The following RYR2 variants were observed in gnomAD, a reference collection of about 807,000 sequenced individuals.
RYR2 encodes ryanodine receptor 2.
A neutral mutation model predicts 601.1 loss-of-function variants in RYR2; 227 were observed. That is an observed-to-expected ratio of 0.38 (90% CI 0.34 to 0.42). The LOEUF is 0.42. RYR2 is among the 10% of genes least tolerant of loss of function. The pLI, the probability that RYR2 is intolerant of heterozygous loss-of-function variation, is 1.00. For missense variants in RYR2, 4,646 were observed against 6,156.5 expected, an observed-to-expected ratio of 0.75 and a Z score of 8.21; for synonymous variants, 2,223 against 2,175.1, an observed-to-expected ratio of 1.02 and a Z score of -0.61.
chr1:237,401,204 T>G (rs1330922456), intron 10 of RYR2, among the ~76,000 whole-genome samples: 1 of 152,204 alleles, frequency 6.6e-6, no homozygotes, highest in Non-Finnish European at 1.5e-5. Context: ...ATATATACAA[T>G]GTCTGATAAT....
intron 3 of RYR2, among the ~76,000 whole-genome samples, chr1:237,345,523 T>G (rs1349513273): frequency 1.3e-5 from 2 of 151,558 alleles, no homozygotes; most frequent in East Asian, 3.9e-4. Context: ...ATCCTGAGGA[T>G]TTGAACAAAT....
intron 1 of RYR2, among the ~76,000 whole-genome samples, chr1:237,123,384 T>C (rs1449136744): frequency 6.6e-6 from 1 of 152,136 alleles, no homozygotes; most frequent in Admixed American, 6.6e-5. Flanking sequence ...CCTAGGAGTT[T>C]GAGACCAGCT....
At chr1:237,296,790 G>C (rs1401400220) in intron 2 of RYR2, among the ~76,000 whole-genome samples, 2 of 152,182 alleles carry the variant, frequency 1.3e-5, no homozygotes, top group African/African-American at 4.8e-5. Context: ...CTGGCATTTA[G>C]AGGCAGATCA....
At chr1:237,358,204 A>T (rs1699466249) in intron 4 of RYR2, among the ~76,000 whole-genome samples, 1 of 152,178 alleles carries the variant, frequency 6.6e-6, no homozygotes, top group South Asian at 2.1e-4. Context: ...TACCCCACAG[A>T]CATTTCAAGT....
intron 10 of RYR2, among the ~76,000 whole-genome samples, chr1:237,414,203 C>A (rs141181467): frequency 6.8e-6 from 1 of 147,518 alleles, no homozygotes; most frequent in Non-Finnish European, 1.5e-5. Flanking sequence ...CACACACAGA[C>A]GTGCACAATG....
intron 2 of RYR2, among the ~76,000 whole-genome samples, chr1:237,283,158 G>T (rs1217089799): frequency 6.6e-6 from 1 of 152,154 alleles, no homozygotes; most frequent in Non-Finnish European, 1.5e-5. Flanking sequence ...TCATTGTTTA[G>T]GTATCTGTCA....
intron 1 of RYR2, among the ~76,000 whole-genome samples, chr1:237,263,337 A>T (rs1458731181): frequency 6.6e-6 from 1 of 152,232 alleles, no homozygotes; most frequent in East Asian, 1.9e-4. Context: ...TATTGAGTTC[A>T]TAACATTTGC....
chr1:237,814,016 G>A (rs1372418611), intron 100 of RYR2, among the ~76,000 whole-genome samples: 5 of 152,102 alleles, frequency 3.3e-5, no homozygotes, highest in Non-Finnish European at 5.9e-5. Context: ...CATTACACAC[G>A]CTCATATCCC....
At chr1:237,227,151 G>A (rs182279658) in intron 1 of RYR2, among the ~76,000 whole-genome samples, 11 of 152,178 alleles carry the variant, frequency 7.2e-5, no homozygotes, top group East Asian at 1.9e-4. Context: ...TTAGTTAGAC[G>A]GGAGGAATGA....
At chr1:237,635,073 T>G in intron 44 of RYR2, 81 bp downstream of exon 44, 2 of 1,140,150 alleles carry the variant, frequency 1.8e-6, no homozygotes, top group Non-Finnish European at 2.4e-6. Flanking sequence ...ATAAGTAAGG[T>G]TGGTGCAGAA....
chr1:237,806,709 G>A (rs1660669717), intron 99 of RYR2, among the ~76,000 whole-genome samples: 1 of 152,168 alleles, frequency 6.6e-6, no homozygotes, highest in African/African-American at 2.4e-5. Context: ...TAAAATATGA[G>A]ATGCTGCATT....
chr1:237,449,273 C>G (rs965007077), intron 14 of RYR2, among the ~76,000 whole-genome samples: 2 of 152,008 alleles, frequency 1.3e-5, no homozygotes. Context: ...TGGTTACTTA[C>G]GGATTAAAGC....
At chr1:237,640,150 G>C (rs1024181584) in intron 46 of RYR2, among the ~76,000 whole-genome samples, 1 of 152,130 alleles carries the variant, frequency 6.6e-6, no homozygotes, top group Non-Finnish European at 1.5e-5. Context: ...GGGTACACCT[G>C]AGGGCCTCAC....
In RYR2 at chr1:237,720,238, T is replaced by C. The variant is rs557933113; in HGVS notation, c.10554+1717T>C. ...CCTTCTGAGGAATTTTTTTTAATTATGAAAATACGCAAATGTCAAAAAGTA... is the reference window on the plus strand; with the variant it reads ...CCTTCTGAGGAATTTTTTTTAATTACGAAAATACGCAAATGTCAAAAAGTA... On this transcript the variant is annotated intron_variant, in intron 73 of 104. Coordinates refer to ENST00000366574, the MANE Select transcript of RYR2 (RefSeq NM_001035.3). Among the ~76,000 whole-genome samples the C allele has an allele frequency of 2.7e-4, 41 of 152,330 alleles. 2 individuals carry two copies. Among genetic ancestry groups the C allele is most frequent in the South Asian group, 8.3e-4 (4 of 4,830 alleles).
chr1:237,278,245 A>ATTTTTTTTTTTTTTTTTT (rs71561863), intron 2 of RYR2, among the ~76,000 whole-genome samples: 1 of 67,000 alleles, frequency 1.5e-5, no homozygotes, highest in Non-Finnish European at 2.7e-5. Context: ...TAATTTTTGT[A>ATTTTTTTTTTTTTTTTTT]TTTTTTTTTT....
At position 237,491,855 on chromosome 1, in the gene RYR2, A is replaced by T; in HGVS notation, c.1758A>T (p.Leu586=). Reference sequence around the variant, plus strand: ...TTTTAGTAGAAAGTCCAGAAGCTCTAAATATTATTAAAGAAGGACATATTA... The same window carrying T: ...TTTTAGTAGAAAGTCCAGAAGCTCTTAATATTATTAAAGAAGGACATATTA... ...HCVLVESPEA[L]NIIKEGHIKS... is the part of the protein sequence containing the mutation. The change falls in exon 18 of 105, where the codon CTA becomes CTT. Residue 586 remains leucine (L), a synonymous_variant. Transcript: ENST00000366574. 6.7e-7 allele frequency: 1 copy of T among 1,484,238 alleles called. No homozygotes were observed. Among genetic ancestry groups the T allele is most frequent in the Non-Finnish European group, 9.2e-7 (1 of 1,082,132 alleles). The allele number at this position is 1,484,238 out of a possible 1,614,324, so 91.9% of individuals were successfully genotyped here.
chr1:237,091,840 C>G (rs1572602683), intron 1 of RYR2, among the ~76,000 whole-genome samples: 1 of 152,192 alleles, frequency 6.6e-6, no homozygotes, highest in African/African-American at 2.4e-5. Context: ...AATGTGGCAG[C>G]CACCAGCCAG....
chr1:237,092,176 G>T (rs537919221), intron 1 of RYR2, among the ~76,000 whole-genome samples: 3 of 152,162 alleles, frequency 2.0e-5, no homozygotes, highest in Non-Finnish European at 4.4e-5. Flanking sequence ...TTGTATAATG[G>T]GCTGTAGTCT....
At chr1:237,126,363 C>T (rs1196664045) in intron 1 of RYR2, among the ~76,000 whole-genome samples, 1 of 152,186 alleles carries the variant, frequency 6.6e-6, no homozygotes, top group African/African-American at 2.4e-5. Context: ...CTATGGAGGT[C>T]ATGCCAAACC....
Sources: allele counts gnomAD v4.1 joint callset (sites outside exome capture counted in the v4.1 genomes callset), GRCh38; gene constraint gnomAD v4.1.1; transcripts MANE v1.5; gene names NCBI Gene and HGNC (gene_info 2026-07-23, HGNC 2026-07-21).